SLC35F4: variants seen among roughly 807,000 people sequenced by gnomAD.
The protein encoded by SLC35F4 is chromosome 14 open reading frame 36.
Under a neutral mutation model 44.2 loss-of-function variants are expected in SLC35F4, and 24 were observed. The ratio of observed to expected loss-of-function variants is 0.54; its 90% CI spans 0.39 to 0.76. The LOEUF is 0.76. SLC35F4 is among the 30% of genes least tolerant of loss of function. The pLI is 0.00. For missense variants in SLC35F4, 562 were observed against 586.1 expected (o/e 0.96, Z 0.42); for synonymous variants, 238 against 223.6 (o/e 1.06, Z -0.57).
At chr14:57,787,413 C>A (rs1392712264) in intron 1 of SLC35F4, among the ~76,000 whole-genome samples, 1 of 152,140 alleles carries the variant, frequency 6.6e-6, no homozygotes, top group Non-Finnish European at 1.5e-5. Context: ...GCACAAAGAA[C>A]ACCTGGGAAA....
Position 57,865,893 on chromosome 14 carries a change from T to G in SLC35F4, c.-68A>C, listed in dbSNP as rs936658788. 8.6e-7 allele frequency: 1 copy of G among 1,164,658 alleles called. No homozygotes were observed. The highest frequency in any genetic ancestry group is 2.8e-5 in the Admixed American group (1 of 35,680). 72.1% of individuals were successfully genotyped at this position (1,164,658 alleles called of 1,614,324 possible). On this transcript the variant is annotated 5_prime_UTR_variant, in exon 1 of 8. Coordinates refer to ENST00000556826, the MANE Select transcript of SLC35F4 (RefSeq NM_001306087.2). ...GCGCAGCGCGGGGCCCGGGAGCTGG[T>G]GCAGGTGCCGGAGCCGCTGGTGCTG...
intron 1 of SLC35F4, among the ~76,000 whole-genome samples, chr14:57,787,015 C>T (rs191452099): frequency 5.9e-5 from 9 of 152,148 alleles, no homozygotes; most frequent in Admixed American, 2.0e-4. Flanking sequence ...ATCCAAAAAA[C>T]GATACAAGAA....
At chr14:57,847,312 A>AT (rs939063166) in intron 1 of SLC35F4, among the ~76,000 whole-genome samples, 30 of 151,884 alleles carry the variant, frequency 2.0e-4, no homozygotes, top group African/African-American at 5.6e-4. Context: ...GTGCCTTGGG[A>AT]TTTTTTTTCA....
intron 1 of SLC35F4, among the ~76,000 whole-genome samples, chr14:57,654,565 G>C (rs552788408): frequency 1.3e-5 from 2 of 152,282 alleles, no homozygotes; most frequent in East Asian, 3.9e-4. Flanking sequence ...ATGTGCAAGT[G>C]TCTTTTTTAA....
chr14:57,899,518 A>G (rs1445928412), intron 1 of SLC35F4, among the ~76,000 whole-genome samples: 1 of 152,254 alleles, frequency 6.6e-6, no homozygotes, highest in Non-Finnish European at 1.5e-5. Context: ...AGTGCTACAC[A>G]AGTGTACAAG....
In SLC35F4 at chr14:57,929,118, G is replaced by A. The variant is rs916395586; in HGVS notation, n.282+52795C>T. ...ATTGTGAACCCCTGCAAGGGTGGTGGGCCTGGACTGAAAGAGATATGGTAA... is the reference window on the plus strand; with the variant it reads ...ATTGTGAACCCCTGCAAGGGTGGTGAGCCTGGACTGAAAGAGATATGGTAA... On this transcript the variant is annotated intron_variant and non_coding_transcript_variant, in intron 1 of 1. Transcript: ENST00000556568. Among the ~76,000 whole-genome samples, 11 of 152,120 alleles carry A rather than the reference G, an allele frequency of 7.2e-5. 1 individual carries two copies. The highest frequency in any genetic ancestry group is 7.2e-4 in the Admixed American group (11 of 15,278).
At chr14:57,965,887 A>C (rs1890429397) in intron 1 of SLC35F4, among the ~76,000 whole-genome samples, 2 of 152,210 alleles carry the variant, frequency 1.3e-5, no homozygotes, top group Admixed American at 1.3e-4. Context: ...ACACCTAAGC[A>C]GCCTGATTTC....
At chr14:57,804,763 G>A (rs190409880) in intron 1 of SLC35F4, among the ~76,000 whole-genome samples, 176 of 152,262 alleles carry the variant, frequency 1.2e-3, no homozygotes, top group African/African-American at 4.1e-3. Flanking sequence ...AGCAAAAGTT[G>A]ACAAATGGGG....
intron 1 of SLC35F4, among the ~76,000 whole-genome samples, chr14:57,679,077 C>A (rs931061957): frequency 3.3e-5 from 5 of 152,128 alleles, no homozygotes; most frequent in African/African-American, 1.2e-4. Flanking sequence ...AATATACATT[C>A]TTCTCAGCAC....
chr14:57,778,250 C>A (rs892589352), intron 1 of SLC35F4, among the ~76,000 whole-genome samples: 1 of 152,158 alleles, frequency 6.6e-6, no homozygotes, highest in Admixed American at 6.6e-5. Flanking sequence ...CCCAACTAAA[C>A]CTCTTTCTTT....
At chr14:57,929,370 T>A (rs1422526625) in intron 1 of SLC35F4, among the ~76,000 whole-genome samples, 1 of 152,010 alleles carries the variant, frequency 6.6e-6, no homozygotes, top group Admixed American at 6.6e-5. Context: ...TTAGAAGAAA[T>A]GTTTGGGAAA....
At chr14:57,879,531 G>A (rs753941378) in intron 1 of SLC35F4, among the ~76,000 whole-genome samples, 2 of 152,108 alleles carry the variant, frequency 1.3e-5, no homozygotes, top group African/African-American at 4.8e-5. Context: ...CAGCCAAGCT[G>A]ACGAGCTACT....
In SLC35F4 at chr14:57,597,993, T is replaced by A. The variant is rs112671892; in HGVS notation, c.104-3869A>T. Among the ~76,000 whole-genome samples, 540 of 152,272 alleles carry A rather than the reference T, an allele frequency of 3.5e-3. 1 individual carries two copies. Among genetic ancestry groups the A allele is most frequent in the Non-Finnish European group, 4.5e-3 (304 of 68,022 alleles). On this transcript the variant is annotated intron_variant, in intron 1 of 7. Coordinates refer to ENST00000556826, the MANE Select transcript of SLC35F4 (RefSeq NM_001306087.2). ...CCATTTATTAAATAGAATATTTGAC[T>A]TCATATACTAGGAATCCAAACTAAA...
At chr14:57,881,468 T>A (rs549923529) in intron 1 of SLC35F4, among the ~76,000 whole-genome samples, 2 of 152,278 alleles carry the variant, frequency 1.3e-5, no homozygotes, top group African/African-American at 4.8e-5. Flanking sequence ...AGTTGAAATA[T>A]CTGTTGTGCC....
At chr14:57,878,682 G>T (rs1008980847) in intron 1 of SLC35F4, among the ~76,000 whole-genome samples, 19 of 151,926 alleles carry the variant, frequency 1.3e-4, no homozygotes, top group African/African-American at 4.1e-4. Context: ...GTCCTTATTT[G>T]TCTGTTTCCC....
At chr14:57,703,351 C>T (rs559833914) in intron 1 of SLC35F4, among the ~76,000 whole-genome samples, 3 of 152,280 alleles carry the variant, frequency 2.0e-5, no homozygotes, top group Non-Finnish European at 4.4e-5. Context: ...GGACAAATGA[C>T]AATTTGCAAG....
chr14:57,761,356 A>G (rs1019307177), intron 1 of SLC35F4, among the ~76,000 whole-genome samples: 1 of 152,176 alleles, frequency 6.6e-6, no homozygotes, highest in African/African-American at 2.4e-5. Context: ...TAGAATATCT[A>G]CTATTATTTT....
Position 57,586,578 on chromosome 14 carries a change from C to T in SLC35F4, c.587+2638G>A, listed in dbSNP as rs1386558634. Reference sequence around the variant, plus strand: ...TAAAAAATACAAAAAATTAGCCGGGCGTGGTGGCGGGTGCCTGTAGTCCCA... The same window carrying T: ...TAAAAAATACAAAAAATTAGCCGGGTGTGGTGGCGGGTGCCTGTAGTCCCA... On this transcript the variant is annotated intron_variant, in intron 3 of 7. Coordinates refer to ENST00000556826, the MANE Select transcript of SLC35F4 (RefSeq NM_001306087.2). Among the ~76,000 whole-genome samples the T allele has an allele frequency of 1.3e-4, 20 of 151,314 alleles. No homozygotes were observed. In the East Asian group the frequency reaches 3.1e-3, roughly 24 times the overall value.
At chr14:57,578,079 T>C (rs756269665) in intron 4 of SLC35F4, among the ~76,000 whole-genome samples, 5 of 149,676 alleles carry the variant, frequency 3.3e-5, no homozygotes, top group Non-Finnish European at 7.4e-5. Context: ...GTGGTCCGGA[T>C]AAACCCATAT....
Sources: allele counts gnomAD v4.1 joint callset (sites outside exome capture counted in the v4.1 genomes callset), GRCh38; gene constraint gnomAD v4.1.1; transcripts MANE v1.5; gene names NCBI Gene and HGNC (gene_info 2026-07-23, HGNC 2026-07-21).